Variants in SORCS2 observed in about 807,000 individuals in gnomAD.
SORCS2 encodes sortilin related VPS10 domain containing receptor 2, also known as VPS10 domain-containing receptor SorCS2.
SORCS2 carries 100 observed loss-of-function variants against 141.6 expected under a neutral mutation model. That is an observed-to-expected ratio of 0.71 (90% CI 0.60 to 0.83). The LOEUF (loss-of-function observed/expected upper bound fraction) is 0.83. Ranked by LOEUF, SORCS2 falls within the 40% of genes least tolerant of loss-of-function variation. The pLI is 0.00. For synonymous variants in SORCS2, 789 were observed against 676.9 expected, an observed-to-expected ratio of 1.17 and a Z score of -2.57; for missense variants, 1,646 against 1,560.2, an observed-to-expected ratio of 1.05 and a Z score of -0.93.
rs187650887 is a variant in SORCS2, at chr4:7,423,538, C to A, written c.548+27183C>A. Among the ~76,000 whole-genome samples, 180 of 152,258 alleles carry A rather than the reference C, an allele frequency of 1.2e-3. 1 individual carries two copies. Among genetic ancestry groups the A allele is most frequent in the African/African-American group, 4.2e-3 (173 of 41,554 alleles). On this transcript the variant is annotated intron_variant, in intron 2 of 26. Coordinates refer to ENST00000507866, the MANE Select transcript of SORCS2 (RefSeq NM_020777.3). ...CAAGCAGTGCTCCCATCCCAGCCTC[C>A]CTAAGTGCTGGTGTTACTGGTGTGC...
At position 7,338,109 on chromosome 4, in the gene SORCS2, T is replaced by TG. The variant is rs55856603; in HGVS notation, c.481-58178dup. On this transcript the variant is annotated intron_variant, in intron 1 of 26. Transcript: ENST00000507866. ...GCTGGCTGGATGGATGTTGGATGGA[T>TG]GTTGGATGGATGGATGGATGGATGG... Among the ~76,000 whole-genome samples, 214 of 39,600 alleles carry TG rather than the reference T, an allele frequency of 5.4e-3. 1 individual carries two copies. The highest frequency in any genetic ancestry group is 0.023 in the African/African-American group (201 of 8,794). The allele number at this position is 39,600 out of a possible 152,430, so 26.0% of individuals were successfully genotyped here.
At chr4:7,426,630 T>G in intron 2 of SORCS2, among the ~76,000 whole-genome samples, 1 of 151,874 alleles carries the variant, frequency 6.6e-6, no homozygotes, top group Non-Finnish European at 1.5e-5. Context: ...GTACTGGGTG[T>G]CTTGTGTGTG....
At chr4:7,387,594 CAG>C (rs1282097741) in intron 1 of SORCS2, among the ~76,000 whole-genome samples, 11 of 148,648 alleles carry the variant, frequency 7.4e-5, no homozygotes, top group East Asian at 4.0e-4. Context: ...TACAGGTACA[CAG>C]AGAAACGCAC....
chr4:7,389,417 C>T (rs1723714776), intron 1 of SORCS2, among the ~76,000 whole-genome samples: 1 of 152,222 alleles, frequency 6.6e-6, no homozygotes, highest in Non-Finnish European at 1.5e-5. Flanking sequence ...GTGGGCCCCA[C>T]TGATGGGACT....
chr4:7,370,320 G>A (rs1005025553), intron 1 of SORCS2, among the ~76,000 whole-genome samples: 4 of 152,212 alleles, frequency 2.6e-5, no homozygotes, highest in African/African-American at 9.6e-5. Flanking sequence ...CCCGGACGGG[G>A]GCAGAGGCAG....
intron 4 of SORCS2, among the ~76,000 whole-genome samples, chr4:7,639,342 G>A (rs958553878): frequency 3.3e-5 from 5 of 152,168 alleles, no homozygotes; most frequent in Admixed American, 6.5e-5. Context: ...GTATCTCCTG[G>A]CTGTGGCCAC....
intron 3 of SORCS2, among the ~76,000 whole-genome samples, chr4:7,630,819 CT>C (rs995912063): frequency 6.6e-6 from 1 of 152,172 alleles, no homozygotes; most frequent in Admixed American, 6.5e-5. Flanking sequence ...GTACCCTGAG[CT>C]GGGTGCATCT....
chr4:7,646,580 T>A (rs1001270917), intron 4 of SORCS2, among the ~76,000 whole-genome samples: 2 of 151,994 alleles, frequency 1.3e-5, no homozygotes, highest in Admixed American at 6.6e-5. Context: ...CAGAGAGCTA[T>A]GATTGCACCA....
At position 7,740,495 on chromosome 4, in the gene SORCS2, A is replaced by G; in HGVS notation, c.*231A>G. ...CATGGCCCTGCCCCTATGGGACACC[A>G]GGCCTGACTCAGGCAGGTTCTGCCC... On this transcript the variant is annotated 3_prime_UTR_variant, in exon 27 of 27. Transcript: ENST00000507866. 1 of 558,858 alleles carries G rather than the reference A, an allele frequency of 1.8e-6. No individual in the cohort carries two copies. Among genetic ancestry groups the G allele is most frequent in the East Asian group, 2.9e-5 (1 of 33,906 alleles). The allele number at this position is 558,858 out of a possible 1,614,324, so 34.6% of individuals were successfully genotyped here.
intron 2 of SORCS2, among the ~76,000 whole-genome samples, chr4:7,496,267 T>C (rs1340063731): frequency 6.6e-6 from 1 of 152,114 alleles, no homozygotes; most frequent in Non-Finnish European, 1.5e-5. Context: ...CCCTGCTGTG[T>C]AGATAAGGAG....
chr4:7,430,738 G>T (rs1279621860), intron 2 of SORCS2: 18 of 152,324 alleles, frequency 1.2e-4, no homozygotes, highest in African/African-American at 4.1e-4. Context: ...TCTAGGCCCA[G>T]TAGGGCCAGC....
chr4:7,723,807 CG>C lies in SORCS2; in HGVS notation c.2537del (p.Gly846AlafsTer45). On this transcript the variant is annotated frameshift_variant, in exon 19 of 27. Transcript: ENST00000507866. LOFTEE classifies it high-confidence loss of function. ...EPIRHRYESP[G>X]IYRVSVRAEN... ...CCATCCGGCACCGCTACGAGAGCCCCGGCATCTACCGCGTGTCCGTCAGGGC... is the reference window on the plus strand; with the variant it reads ...CCATCCGGCACCGCTACGAGAGCCCCGCATCTACCGCGTGTCCGTCAGGGC... The C allele has an allele frequency of 6.2e-7, 1 of 1,613,706 alleles. No homozygotes were observed. Among genetic ancestry groups the C allele is most frequent in the Non-Finnish European group, 8.5e-7 (1 of 1,179,882 alleles).
intron 2 of SORCS2, among the ~76,000 whole-genome samples, chr4:7,470,587 G>C (rs1217122425): frequency 6.6e-6 from 1 of 152,242 alleles, no homozygotes; most frequent in Non-Finnish European, 1.5e-5. Flanking sequence ...CTGCTGTGAT[G>C]GTCTGGGCGA....
Position 7,480,680 on chromosome 4 carries a change from T to C in SORCS2, c.549-50850T>C, listed in dbSNP as rs151063214. On this transcript the variant is annotated intron_variant, in intron 2 of 26. Transcript: ENST00000507866. ...TAGCCCAGAGCCGCGGCCAGAACCA[T>C]GTGTGATATTGCGGTGGTTGTGAGT... 3.4e-3 allele frequency among the ~76,000 whole-genome samples: 517 copies of C among 152,166 alleles called. 2 individuals are homozygous for C. Among genetic ancestry groups the C allele is most frequent in the Non-Finnish European group, 2.5e-3 (172 of 67,978 alleles).
At chr4:7,523,049 C>T (rs1220127712) in intron 2 of SORCS2, among the ~76,000 whole-genome samples, 3 of 149,448 alleles carry the variant, frequency 2.0e-5, no homozygotes, top group South Asian at 2.1e-4. Context: ...CTCCTCCCTC[C>T]TTCCTCCCCT....
chr4:7,501,115 G>A (rs777711595), intron 2 of SORCS2, among the ~76,000 whole-genome samples: 17 of 152,316 alleles, frequency 1.1e-4, no homozygotes, highest in South Asian at 4.1e-4. Flanking sequence ...GTGAAGGCGC[G>A]GGTGAGACGA....
chr4:7,269,758 A>T (rs947136970), intron 1 of SORCS2, among the ~76,000 whole-genome samples: 1 of 152,314 alleles, frequency 6.6e-6, no homozygotes. Flanking sequence ...CAGCCCAGTG[A>T]TACTGATTTG....
intron 1 of SORCS2, among the ~76,000 whole-genome samples, chr4:7,331,108 G>C (rs1285992830): frequency 6.6e-6 from 1 of 152,010 alleles, no homozygotes; most frequent in Non-Finnish European, 1.5e-5. Context: ...TAGGGGCGGC[G>C]AGAGGCTGGG....
chr4:7,402,593 C>G (rs1577505163), intron 2 of SORCS2, among the ~76,000 whole-genome samples: 1 of 152,300 alleles, frequency 6.6e-6, no homozygotes, highest in Admixed American at 6.5e-5. Flanking sequence ...CCACTCCAAT[C>G]AGGGCTGCAG....
Sources: gnomAD v4.1 joint callset for allele counts (sites outside exome capture counted in the v4.1 genomes callset) on GRCh38, gnomAD v4.1.1 for gene constraint, MANE v1.5 for transcripts, NCBI Gene and HGNC (gene_info 2026-07-23, HGNC 2026-07-21) for gene names.